ADRA1B: variants seen among roughly 807,000 people sequenced by gnomAD.
ADRA1B encodes alpha-1B adrenergic receptor.
Under a neutral mutation model 17.9 loss-of-function variants are expected in ADRA1B, and 17 were observed. That is an observed-to-expected ratio of 0.95 (90% CI 0.65 to 1.42). ADRA1B has a LOEUF of 1.42. Among genes scored for constraint, ADRA1B ranks in the 40% most tolerant of loss-of-function variants. The probability of loss-of-function intolerance (pLI) is 0.00; values close to 1 mark genes in which losing one functional copy is unlikely to be tolerated. For missense variants in ADRA1B, 681 were observed against 722.1 expected, an observed-to-expected ratio of 0.94 and a Z score of 0.65; for synonymous variants, 366 against 327.6, an observed-to-expected ratio of 1.12 and a Z score of -1.27.
In ADRA1B at chr5:159,972,705, C is replaced by T. The variant is rs942057363; in HGVS notation, c.*213C>T. On this transcript the variant is annotated 3_prime_UTR_variant, in exon 2 of 2. Coordinates refer to ENST00000306675, the MANE Select transcript of ADRA1B (RefSeq NM_000679.4). ...AAGCCGGGCCGAGCATGCTGAGAGC[C>T]TGGGGGACCCGACGCCGCCGGGATT... Among the ~76,000 whole-genome samples the T allele has an allele frequency of 6.6e-6, 1 of 152,132 alleles. No homozygotes were observed. Among genetic ancestry groups the T allele is most frequent in the African/African-American group, 2.4e-5 (1 of 41,450 alleles).
intron 1 of ADRA1B, among the ~76,000 whole-genome samples, chr5:159,952,257 TA>T (rs1432154847): frequency 6.6e-6 from 1 of 152,192 alleles, no homozygotes; most frequent in African/African-American, 2.4e-5. Context: ...AACGCATACA[TA>T]TCTACAATAA....
At chr5:159,961,596 TGAG>T (rs1321095918) in intron 1 of ADRA1B, among the ~76,000 whole-genome samples, 1 of 152,218 alleles carries the variant, frequency 6.6e-6, no homozygotes, top group Non-Finnish European at 1.5e-5. Context: ...TTGTTTCAGC[TGAG>T]GAGATGTGGT....
intron 1 of ADRA1B, among the ~76,000 whole-genome samples, chr5:159,949,288 G>A (rs567431038): frequency 6.6e-6 from 1 of 152,268 alleles, no homozygotes; most frequent in African/African-American, 2.4e-5. Flanking sequence ...CCAATCTTCT[G>A]ATAGCTCATT....
intron 1 of ADRA1B, among the ~76,000 whole-genome samples, chr5:159,958,711 G>A (rs985176546): frequency 1.4e-4 from 21 of 152,224 alleles, no homozygotes; most frequent in African/African-American, 7.2e-5. Context: ...TTGGGGAAAA[G>A]TGAAGTTATC....
chr5:159,901,735 G>T (rs139479966), intron 1 of ADRA1B, among the ~76,000 whole-genome samples: 1 of 152,002 alleles, frequency 6.6e-6, no homozygotes, highest in South Asian at 2.1e-4. Flanking sequence ...TATGCAAATG[G>T]CCAACAAGCA....
chr5:159,951,236 G>T, intron 1 of ADRA1B: 1 of 869,484 alleles, frequency 1.2e-6, no homozygotes, highest in Non-Finnish European at 1.9e-6. Flanking sequence ...CGCCAGCATC[G>T]CCCCATTTGA....
At chr5:159,881,303 C>CTCTGTCTCTG (rs1201875637) in intron 1 of ADRA1B, among the ~76,000 whole-genome samples, 3 of 88,378 alleles carry the variant, frequency 3.4e-5, no homozygotes, top group Non-Finnish European at 6.4e-5. Flanking sequence ...AGAAAGTTCT[C>CTCTGTCTCTG]TCTCTCTCTC....
intron 1 of ADRA1B, among the ~76,000 whole-genome samples, chr5:159,909,226 T>C (rs1030101465): frequency 2.6e-5 from 4 of 152,166 alleles, no homozygotes; most frequent in Non-Finnish European, 4.4e-5. Flanking sequence ...CCACATGCTA[T>C]TTCCCAAGCA....
chr5:159,929,704 A>G (rs949023932), intron 1 of ADRA1B, among the ~76,000 whole-genome samples: 4 of 152,074 alleles, frequency 2.6e-5, no homozygotes, highest in Non-Finnish European at 4.4e-5. Context: ...TTAAAAATCA[A>G]CTAGTTTATT....
intron 1 of ADRA1B, among the ~76,000 whole-genome samples, chr5:159,881,300 TC>T (rs1753859985): frequency 2.3e-3 from 16 of 6,962 alleles, no homozygotes; most frequent in African/African-American, 9.2e-3. Context: ...ATCAGAAAGT[TC>T]TCTCTCTCTC....
At chr5:159,905,175 G>T (rs1027620532) in intron 1 of ADRA1B, among the ~76,000 whole-genome samples, 2 of 152,224 alleles carry the variant, frequency 1.3e-5, no homozygotes, top group African/African-American at 4.8e-5. Flanking sequence ...AGACCATTGG[G>T]ATCTTGGGGA....
chr5:159,968,326 G>T (rs1262764443), intron 1 of ADRA1B, among the ~76,000 whole-genome samples: 1 of 152,136 alleles, frequency 6.6e-6, no homozygotes, highest in Non-Finnish European at 1.5e-5. Flanking sequence ...ATAAATGCTG[G>T]CTATGATGAA....
rs759092567 is a variant in ADRA1B at position 159,972,031 on chromosome 5, C to G, written c.1102C>G (p.Arg368Gly). 4 of 1,392,002 alleles carry G rather than the reference C, an allele frequency of 2.9e-6. No individual in the cohort carries two copies. The highest frequency in any genetic ancestry group is 3.7e-6 in the Non-Finnish European group (4 of 1,071,532). The allele number at this position is 1,392,002 out of a possible 1,614,324, so 86.2% of individuals were successfully genotyped here. A position where few individuals can be genotyped will look rare whatever the true frequency, so the allele number is the denominator to read the frequency against. ...CGTGCGCATCCTCGGGTGCCAGTGC[C>G]GCGGCCGCGGCCGCCGCCGACGCCG... ...AFVRILGCQC[R>G]GRGRRRRRRR... The change falls in exon 2 of 2, where the codon CGC (arginine) becomes GGC (glycine). Residue 368 changes from arginine (R) to glycine (G), a missense_variant. By Grantham distance (125) the Arg-to-Gly change is moderately radical (BLOSUM62 -2). This residue lies in a region of ADRA1B where 424 missense variants were observed against 480.2 expected (regional missense o/e 0.88). Coordinates refer to ENST00000306675, the MANE Select transcript of ADRA1B (RefSeq NM_000679.4).
chr5:159,950,412 C>T, intron 1 of ADRA1B: 2 of 719,062 alleles, frequency 2.8e-6, no homozygotes, highest in African/African-American at 1.7e-5. Context: ...TCATGGGGGA[C>T]TGTGTGTGGC....
intron 1 of ADRA1B, among the ~76,000 whole-genome samples, chr5:159,935,665 G>A (rs1294783008): frequency 1.3e-5 from 2 of 152,090 alleles, no homozygotes; most frequent in Non-Finnish European, 2.9e-5. Context: ...TCAGGCCTCG[G>A]CCTCCCTAGC....
At chr5:159,987,300 A>G in the ADRA1B span, among the ~76,000 whole-genome samples, 3 of 152,170 alleles carry the variant, frequency 2.0e-5, no homozygotes, top group African/African-American at 7.2e-5. Context: ...GGGGGCGCCC[A>G]GGTGCGCGGG....
chr5:159,959,350 A>C (rs993455925), intron 1 of ADRA1B, among the ~76,000 whole-genome samples: 28 of 152,256 alleles, frequency 1.8e-4, no homozygotes. Context: ...TATGAACCCG[A>C]TACTGAGTTA....
intron 1 of ADRA1B, among the ~76,000 whole-genome samples, chr5:159,923,461 C>A (rs572598008): frequency 2.0e-5 from 3 of 152,180 alleles, no homozygotes; most frequent in Non-Finnish European, 2.9e-5. Flanking sequence ...TTGGTGACGG[C>A]ATAAGAGAGT....
At chr5:159,962,837 A>ATTT (rs756263225) in intron 1 of ADRA1B, among the ~76,000 whole-genome samples, 745 of 43,002 alleles carry the variant, frequency 0.017, 28 homozygotes, top group African/African-American at 0.037. Flanking sequence ...ACACCTGGCT[A>ATTT]TTTTTTTTTT....
Sources: gnomAD v4.1 joint callset for allele counts (sites outside exome capture counted in the v4.1 genomes callset) on GRCh38, gnomAD v4.1.1 for gene constraint, gnomAD v4.1.1 regional missense constraint, MANE v1.5 for transcripts, NCBI Gene and HGNC (gene_info 2026-07-23, HGNC 2026-07-21) for gene names.